The following TANC1 variants were observed in gnomAD, a reference collection of about 807,000 sequenced individuals.
The protein encoded by TANC1 is tetratricopeptide repeat, ankyrin repeat and coiled-coil containing 1.
In TANC1, 77 loss-of-function variants were observed where a neutral mutation model predicts 149.7. The ratio of observed to expected loss-of-function variants is 0.51; its 90% CI spans 0.43 to 0.62. The LOEUF is 0.62. Ranked by LOEUF, TANC1 falls within the 20% of genes least tolerant of loss-of-function variation. The pLI, the probability that TANC1 is intolerant of heterozygous loss-of-function variation, is 0.00. For missense variants in TANC1, 1,985 were observed against 2,321.8 expected, an observed-to-expected ratio of 0.85 and a Z score of 2.98; for synonymous variants, 854 against 925.0, an observed-to-expected ratio of 0.92 and a Z score of 1.39.
intron 5 of TANC1, chr2:159,148,940 T>G: frequency 1.9e-6 from 1 of 513,540 alleles, no homozygotes; most frequent in Non-Finnish European, 3.4e-6. Context: ...ACTTGGAGTT[T>G]TTGTTTTACT....
chr2:159,031,248 T>G (rs1012683934), intron 2 of TANC1, among the ~76,000 whole-genome samples: 5 of 152,202 alleles, frequency 3.3e-5, no homozygotes, highest in African/African-American at 1.2e-4. Context: ...ATCTTAGAAA[T>G]TCCCGCTGGG....
At chr2:159,064,343 C>T (rs2042489606) in intron 2 of TANC1, among the ~76,000 whole-genome samples, 1 of 152,200 alleles carries the variant, frequency 6.6e-6, no homozygotes, top group Admixed American at 6.5e-5. Context: ...GGCTCTAAGC[C>T]ATGCCCCTTC....
intron 6 of TANC1, 136 bp from the exon 7 acceptor site, chr2:159,150,234 A>G (rs1298977516): frequency 1.5e-5 from 10 of 659,090 alleles, no homozygotes; most frequent in Non-Finnish European, 2.6e-5. Context: ...ATCTATACAC[A>G]CATATCTCTT....
At chr2:159,212,936 A>G (rs2059094720) in intron 19 of TANC1, among the ~76,000 whole-genome samples, 1 of 145,236 alleles carries the variant, frequency 6.9e-6, no homozygotes. Context: ...AAAAAAAAAA[A>G]AAAAATTTCC....
intron 2 of TANC1, among the ~76,000 whole-genome samples, chr2:159,054,970 A>G (rs775393949): frequency 6.6e-6 from 1 of 152,206 alleles, no homozygotes; most frequent in Non-Finnish European, 1.5e-5. Flanking sequence ...CTTGTCCAGA[A>G]TCACTTTGTA....
At chr2:159,028,409 T>C (rs1213510752) in intron 2 of TANC1, among the ~76,000 whole-genome samples, 5 of 152,072 alleles carry the variant, frequency 3.3e-5, no homozygotes, top group Non-Finnish European at 5.9e-5. Context: ...GTGTGAGCCA[T>C]CATGTCGGGC....
intron 9 of TANC1, among the ~76,000 whole-genome samples, chr2:159,169,756 G>A (rs1438998386): frequency 2.6e-5 from 4 of 152,152 alleles, no homozygotes; most frequent in Non-Finnish European, 5.9e-5. Context: ...ACTTTGAGAG[G>A]CCGAGGCAGG....
chr2:159,214,419 T>C (rs147743699), intron 19 of TANC1, among the ~76,000 whole-genome samples: 4 of 152,124 alleles, frequency 2.6e-5, no homozygotes, highest in African/African-American at 9.7e-5. Context: ...ATCCTGGACC[T>C]TGGGACTCCA....
chr2:159,079,056 T>G (rs1183774741), intron 3 of TANC1, among the ~76,000 whole-genome samples: 2 of 152,164 alleles, frequency 1.3e-5, no homozygotes, highest in Non-Finnish European at 2.9e-5. Context: ...TAGAGATATT[T>G]AGATTTATAT....
At chr2:159,217,372 C>G in intron 19 of TANC1, 125 bp from the exon 20 acceptor site, 1 of 1,235,786 alleles carries the variant, frequency 8.1e-7, no homozygotes, top group Non-Finnish European at 1.1e-6. Context: ...AGAGCCCCCG[C>G]AGGTTCAAAG....
chr2:159,131,322 C>G (rs148231660), intron 4 of TANC1, among the ~76,000 whole-genome samples: 225 of 152,266 alleles, frequency 1.5e-3, no homozygotes, highest in African/African-American at 5.2e-3. Flanking sequence ...AGAGAATAAA[C>G]TTGGCCTCCA....
intron 2 of TANC1, among the ~76,000 whole-genome samples, chr2:159,007,303 C>T (rs1029467053): frequency 6.6e-6 from 1 of 152,158 alleles, no homozygotes; most frequent in African/African-American, 2.4e-5. Context: ...TGCGCCACCA[C>T]AACCAACTAA....
chr2:159,131,472 C>T (rs1019314679), intron 4 of TANC1, among the ~76,000 whole-genome samples: 6 of 152,178 alleles, frequency 3.9e-5, no homozygotes, highest in African/African-American at 1.2e-4. Context: ...CTGCTGTCAC[C>T]GAGGCTCTGG....
chr2:159,122,423 TCTAA>T (rs2048941087), intron 4 of TANC1, among the ~76,000 whole-genome samples: 1 of 152,076 alleles, frequency 6.6e-6, no homozygotes, highest in South Asian at 2.1e-4. Flanking sequence ...GACCCTCTTT[TCTAA>T]CTAAAAAAAA....
At chr2:158,982,853 G>C (rs903974796) in intron 1 of TANC1, among the ~76,000 whole-genome samples, 6 of 152,024 alleles carry the variant, frequency 3.9e-5, no homozygotes, top group African/African-American at 1.4e-4. Context: ...CGAATGCCTG[G>C]GCTCAAGCAG....
At chr2:158,989,026 G>A (rs140220982) in intron 1 of TANC1, among the ~76,000 whole-genome samples, 26 of 152,238 alleles carry the variant, frequency 1.7e-4, no homozygotes, top group African/African-American at 6.0e-4. Context: ...GTTGCAGGGT[G>A]GGGAGAGAAA....
intron 2 of TANC1, among the ~76,000 whole-genome samples, chr2:159,033,023 G>A (rs1310748340): frequency 6.6e-6 from 1 of 152,126 alleles, no homozygotes; most frequent in East Asian, 1.9e-4. Context: ...GAAGACCCAG[G>A]GCTGAGCAAG....
intron 4 of TANC1, among the ~76,000 whole-genome samples, chr2:159,101,140 C>T (rs1337741549): frequency 6.6e-6 from 1 of 152,136 alleles, no homozygotes; most frequent in Non-Finnish European, 1.5e-5. Context: ...CCCACCCCTG[C>T]CAATTCCTCT....
In TANC1 at chr2:159,175,159, G is replaced by A. The variant is rs2055705490; in HGVS notation, c.1710G>A (p.Leu570=). ...DPVAAFKRGV[L]EPLTNLRNEQ... ...TGGCAGCTTTCAAGAGGGGAGTGCTGGAGCCACTCACAAACCTGAGAAATG... is the reference window on the plus strand; with the variant it reads ...TGGCAGCTTTCAAGAGGGGAGTGCTAGAGCCACTCACAAACCTGAGAAATG... The change falls in exon 12 of 27, where the codon CTG becomes CTA. Residue 570 remains leucine, a synonymous_variant. Transcript: ENST00000263635. The A allele has an allele frequency of 6.2e-7, 1 of 1,613,964 alleles. No individual in the cohort carries two copies. Among genetic ancestry groups the A allele is most frequent in the Admixed American group, 1.7e-5 (1 of 59,998 alleles).
Sources: allele counts gnomAD v4.1 joint callset (sites outside exome capture counted in the v4.1 genomes callset), GRCh38; gene constraint gnomAD v4.1.1; transcripts MANE v1.5; gene names NCBI Gene and HGNC (gene_info 2026-07-23, HGNC 2026-07-21).